The following SEMA5A variants were observed in gnomAD, a reference collection of about 807,000 sequenced individuals.
The protein encoded by SEMA5A is semaphorin-5A.
A neutral mutation model predicts 135.5 loss-of-function variants in SEMA5A; 55 were observed. The ratio of observed to expected loss-of-function variants is 0.41; its 90% CI spans 0.33 to 0.51. SEMA5A has a LOEUF of 0.51. SEMA5A is among the 20% of genes least tolerant of loss of function. SEMA5A has a pLI of 0.37. For missense variants in SEMA5A, 1,290 were observed against 1,419.9 expected, an observed-to-expected ratio of 0.91 and a Z score of 1.47; for synonymous variants, 580 against 546.5, an observed-to-expected ratio of 1.06 and a Z score of -0.85.
intron 1 of SEMA5A, among the ~76,000 whole-genome samples, chr5:9,492,637 A>C (rs1735081155): frequency 1.3e-5 from 2 of 152,192 alleles, no homozygotes; most frequent in South Asian, 2.1e-4. Flanking sequence ...TTTTTACATA[A>C]ATCTTTATTT....
intron 1 of SEMA5A, among the ~76,000 whole-genome samples, chr5:9,457,536 T>C (rs1758884901): frequency 6.6e-6 from 1 of 152,198 alleles, no homozygotes; most frequent in African/African-American, 2.4e-5. Flanking sequence ...AAAGGGCTGA[T>C]GGTTAAGAGT....
intron 5 of SEMA5A, among the ~76,000 whole-genome samples, chr5:9,294,173 A>G (rs192470883): frequency 1.3e-4 from 20 of 152,286 alleles, no homozygotes; most frequent in African/African-American, 4.8e-4. Flanking sequence ...ACCAGACAGC[A>G]TTTGGCCTTC....
intron 18 of SEMA5A, among the ~76,000 whole-genome samples, chr5:9,060,544 A>G (rs1316517222): frequency 6.6e-6 from 1 of 152,044 alleles, no homozygotes; most frequent in African/African-American, 2.4e-5. Flanking sequence ...CTCAGCCCCC[A>G]GAGGAGGACT....
chr5:9,472,210 T>C (rs1040182788), intron 1 of SEMA5A, among the ~76,000 whole-genome samples: 6 of 152,196 alleles, frequency 3.9e-5, no homozygotes, highest in African/African-American at 1.4e-4. Flanking sequence ...CTGGGAAATA[T>C]TTCCTCCACC....
At chr5:9,300,188 T>C (rs1466308128) in intron 5 of SEMA5A, among the ~76,000 whole-genome samples, 1 of 152,072 alleles carries the variant, frequency 6.6e-6, no homozygotes, top group Non-Finnish European at 1.5e-5. Context: ...CCACCACACC[T>C]GACTAATTTT....
intron 5 of SEMA5A, among the ~76,000 whole-genome samples, chr5:9,311,630 T>C (rs1752140626): frequency 1.3e-5 from 2 of 150,666 alleles, no homozygotes; most frequent in South Asian, 2.1e-4. Flanking sequence ...CATTAGGAGA[T>C]ATACCTAAAG....
intron 10 of SEMA5A, among the ~76,000 whole-genome samples, chr5:9,191,823 AGCCCTGCC>A (rs1745128997): frequency 1.3e-5 from 2 of 151,972 alleles, no homozygotes; most frequent in African/African-American, 4.8e-5. Flanking sequence ...TGAAGGGCTC[AGCCCTGCC>A]ATGACCCAAG....
intron 5 of SEMA5A, among the ~76,000 whole-genome samples, chr5:9,250,442 C>A (rs957654358): frequency 6.6e-6 from 1 of 152,106 alleles, no homozygotes; most frequent in Non-Finnish European, 1.5e-5. Flanking sequence ...ACTACCTATA[C>A]GATCCTGTTT....
intron 5 of SEMA5A, among the ~76,000 whole-genome samples, chr5:9,293,033 T>C (rs867392011): frequency 9.2e-5 from 14 of 152,206 alleles, no homozygotes; most frequent in African/African-American, 3.1e-4. Flanking sequence ...TCATCCTTTC[T>C]TGTGGTCATC....
intron 2 of SEMA5A, among the ~76,000 whole-genome samples, chr5:9,405,207 G>C (rs980500149): frequency 6.6e-6 from 1 of 152,070 alleles, no homozygotes; most frequent in Non-Finnish European, 1.5e-5. Flanking sequence ...CCTGAGGATG[G>C]GAATAACATT....
In SEMA5A at chr5:9,103,659, T is replaced by C. The variant is rs1297924654; in HGVS notation, c.2073+4481A>G. The stretch of plus-strand genomic sequence containing the variant: ...TGCCAAATACTAAGTCTGCTGTTCT[T>C]TGTAAATTATTTTTGCTGTATCTGA... On this transcript the variant is annotated intron_variant, in intron 16 of 22. Coordinates refer to ENST00000382496, the MANE Select transcript of SEMA5A (RefSeq NM_003966.3). 2.0e-5 allele frequency among the ~76,000 whole-genome samples: 3 copies of C among 152,242 alleles called. No homozygotes were observed. In the East Asian group the frequency reaches 5.8e-4, roughly 29 times the overall value.
chr5:9,176,271 G>C, intron 11 of SEMA5A, among the ~76,000 whole-genome samples: 1 of 152,156 alleles, frequency 6.6e-6, no homozygotes, highest in East Asian at 1.9e-4. Flanking sequence ...GAAAGCTGCA[G>C]GTGGTCTTAG....
chr5:9,436,198 A>G (rs1758024193), intron 2 of SEMA5A, among the ~76,000 whole-genome samples: 1 of 152,198 alleles, frequency 6.6e-6, no homozygotes, highest in African/African-American at 2.4e-5. Context: ...CCTGACACAC[A>G]ATGAGGACTT....
At chr5:9,117,051 C>T (rs922098616) in intron 15 of SEMA5A, among the ~76,000 whole-genome samples, 41 of 152,176 alleles carry the variant, frequency 2.7e-4, no homozygotes, top group Admixed American at 2.2e-3. Flanking sequence ...TTTAATTTCA[C>T]GTTTTCCTCC....
intron 1 of SEMA5A, among the ~76,000 whole-genome samples, chr5:9,526,083 A>G (rs773895832): frequency 1.3e-5 from 2 of 152,214 alleles, no homozygotes; most frequent in Non-Finnish European, 2.9e-5. Context: ...TTTCTGCTTC[A>G]TTAATAGGCC....
At chr5:9,427,898 T>C (rs1757714438) in intron 2 of SEMA5A, among the ~76,000 whole-genome samples, 1 of 152,128 alleles carries the variant, frequency 6.6e-6, no homozygotes. Flanking sequence ...ATTTTAACCC[T>C]GCCTTAGTGC....
At chr5:9,489,573 A>G (rs1734899251) in intron 1 of SEMA5A, among the ~76,000 whole-genome samples, 1 of 151,854 alleles carries the variant, frequency 6.6e-6, no homozygotes, top group African/African-American at 2.4e-5. Context: ...CACTTTAAGT[A>G]TAAGAAATTT....
In SEMA5A at chr5:9,037,989, G is replaced by A. The variant is rs1480918628; in HGVS notation, c.*4908C>T. 1 of 152,186 alleles carries A rather than the reference G, an allele frequency of 6.6e-6. No homozygotes were observed. Among genetic ancestry groups the A allele is most frequent in the Non-Finnish European group, 1.5e-5 (1 of 68,040 alleles). 9.4% of individuals were successfully genotyped at this position (152,186 alleles called of 1,614,324 possible). ...TCTCCCATTTCACCCACTGCCCAAA[G>A]AAGTAAGGGGCTCAAATGGCATCTA... On this transcript the variant is annotated 3_prime_UTR_variant, in exon 23 of 23. Transcript: ENST00000382496.
chr5:9,156,185 T>G lies in SEMA5A; in HGVS notation c.1274-1490A>C, dbSNP rs1742945715. ...TTAGCAAATTCACAGTTCACAGATG[T>G]AAGCATGTAAGAAAAAATTTATGTC... On this transcript the variant is annotated intron_variant, in intron 11 of 22. Coordinates refer to ENST00000382496, the MANE Select transcript of SEMA5A (RefSeq NM_003966.3). 1.3e-5 allele frequency among the ~76,000 whole-genome samples: 2 copies of G among 152,204 alleles called. 1 individual carries two copies. The highest frequency in any genetic ancestry group is 4.2e-4 in the South Asian group (2 of 4,818).
Sources: gnomAD v4.1 joint callset for allele counts (sites outside exome capture counted in the v4.1 genomes callset) on GRCh38, gnomAD v4.1.1 for gene constraint, MANE v1.5 for transcripts, NCBI Gene and HGNC (gene_info 2026-07-23, HGNC 2026-07-21) for gene names.